STAT3: variants seen among roughly 807,000 people sequenced by gnomAD.
STAT3 encodes the protein signal transducer and activator of transcription 3, also known as DNA-binding protein APRF.
In STAT3, 7 loss-of-function variants were observed where a neutral mutation model predicts 114.3. That is an observed-to-expected ratio of 0.06 (90% CI 0.03 to 0.11). The LOEUF is 0.11. Among genes scored for constraint, STAT3 ranks in the 10% least tolerant of loss-of-function variants. The pLI is 1.00. For missense variants in STAT3, 364 were observed against 960.9 expected, an observed-to-expected ratio of 0.38 and a Z score of 8.21; for synonymous variants, 331 against 354.5, an observed-to-expected ratio of 0.93 and a Z score of 0.74.
chr17:42,316,092 A>C, intron 23 of STAT3: 1 of 1,358,038 alleles, frequency 7.4e-7, no homozygotes. Flanking sequence ...TTAATTCAGG[A>C]GCCCCGAGAC....
At chr17:42,350,871 G>A (rs1310239187) in intron 1 of STAT3, among the ~76,000 whole-genome samples, 4 of 151,874 alleles carry the variant, frequency 2.6e-5, no homozygotes, top group African/African-American at 9.7e-5. Context: ...AGTGGCTCAC[G>A]CCTGTAATCC....
chr17:42,353,473 G>C (rs914252886), intron 1 of STAT3, among the ~76,000 whole-genome samples: 1 of 151,874 alleles, frequency 6.6e-6, no homozygotes, highest in Non-Finnish European at 1.5e-5. Flanking sequence ...TGCTACTCTA[G>C]ACAATGTAGC....
chr17:42,384,136 T>A (rs8066517), intron 1 of STAT3, among the ~76,000 whole-genome samples: 8,346 of 130,652 alleles, frequency 0.064, 372 homozygotes, highest in African/African-American at 0.16. Context: ...TTATTTATTT[T>A]TTTTTTTTTT....
intron 4 of STAT3, among the ~76,000 whole-genome samples, chr17:42,343,264 G>A (rs900939421): frequency 2.6e-5 from 4 of 151,400 alleles, no homozygotes; most frequent in East Asian, 1.9e-4. Context: ...AGGGGGTCAC[G>A]GAGAAAAAGA....
In STAT3 at chr17:42,322,431, G is replaced by C. The variant is rs2144682194; in HGVS notation, c.1952C>G (p.Ala651Gly). Residue 651 changes from alanine to glycine, a missense_variant, in exon 21 of 24, where the codon GCT (alanine) becomes GGT (glycine). By Grantham distance (60) the Ala-to-Gly change is moderately conservative. Transcript: ENST00000264657. ...GATCTTATAGCCCATGATGATTTCA[G>C]CAAATGACATGTTGTTCAGCTGCTG... ...TKQQLNNMSF[A>G]EIIMGYKIMD... 6.2e-7 allele frequency: 1 copy of C among 1,614,212 alleles called. No homozygotes were observed. Among genetic ancestry groups the C allele is most frequent in the Non-Finnish European group, 8.5e-7 (1 of 1,180,038 alleles).
intron 1 of STAT3, among the ~76,000 whole-genome samples, chr17:42,358,932 A>ATTTTTT (rs2083365690): frequency 2.0e-5 from 1 of 50,438 alleles, no homozygotes; most frequent in South Asian, 7.9e-4. Flanking sequence ...GACATTTCTT[A>ATTTTTT]CTTTTTTTTT....
chr17:42,337,572 C>G lies in STAT3; in HGVS notation c.660G>C (p.Glu220Asp), dbSNP rs774652472. ...CCATCGCTGACAAAAGCCCCGCCAG[C>G]TCACTCACGATGCTCTGGTTGGAAA... The part of the protein sequence containing the change: ...LDQMRRSIVS[E>D]LAGLLSAMEY... The change falls in exon 8 of 24, where the codon GAG (glutamate) becomes GAC (aspartate). Residue 220 changes from glutamate to aspartate, a missense_variant. Glu to Asp is a conservative substitution (Grantham distance 45). Coordinates refer to ENST00000264657, the MANE Select transcript of STAT3 (RefSeq NM_139276.3). This position sits in a 1 kb window ranked among gnomAD's most constrained non-coding sequence, Gnocchi z 4.0. 2.5e-6 allele frequency: 4 copies of G among 1,614,096 alleles called. No individual in the cohort carries two copies. Among genetic ancestry groups the G allele is most frequent in the Non-Finnish European group, 2.5e-6 (3 of 1,180,060 alleles).
At chr17:42,365,641 T>A in intron 1 of STAT3, among the ~76,000 whole-genome samples, 1 of 144,704 alleles carries the variant, frequency 6.9e-6, no homozygotes, top group East Asian at 2.0e-4. Context: ...CTGTTAAAGT[T>A]TTTTTTTTTT....
chr17:42,360,605 T>C (rs912016222), intron 1 of STAT3, among the ~76,000 whole-genome samples: 1 of 151,914 alleles, frequency 6.6e-6, no homozygotes, highest in Non-Finnish European at 1.5e-5. Flanking sequence ...GATTGTGTCA[T>C]TGCATTCCAG....
intron 23 of STAT3, 67 bp from the exon 24 acceptor site, chr17:42,315,867 A>G (rs1461564568): frequency 6.2e-7 from 1 of 1,612,474 alleles, no homozygotes; most frequent in Non-Finnish European, 8.5e-7. Flanking sequence ...CCACGCCCCC[A>G]GCCCTTCAGA....
At position 42,315,928 on chromosome 17, in the gene STAT3, C is replaced by G. The variant is rs2081230740; in HGVS notation, c.2258-128G>C. The G allele has an allele frequency of 2.6e-6, 4 of 1,566,256 alleles. No homozygotes were observed. The African/African-American group carries it at 4.1e-5, about 16-fold the overall frequency. Reference sequence around the variant, plus strand: ...ATCCAATCTCCTGCCCCTTAAGGCCCAGGGATGGTCAGAAAAGCCAGATTT... The same window carrying G: ...ATCCAATCTCCTGCCCCTTAAGGCCGAGGGATGGTCAGAAAAGCCAGATTT... On this transcript the variant is annotated intron_variant, in intron 23 of 23. Transcript: ENST00000264657.
In STAT3 at chr17:42,345,091, C is replaced by A. The variant is rs187162668; in HGVS notation, c.372+468G>T. Among the ~76,000 whole-genome samples, 530 of 151,634 alleles carry A rather than the reference C, an allele frequency of 3.5e-3. 6 individuals are homozygous for A. Among genetic ancestry groups the A allele is most frequent in the African/African-American group, 0.012 (496 of 41,374 alleles). On this transcript the variant is annotated intron_variant, in intron 4 of 23. Transcript: ENST00000264657. ...GACCAGCCTGACCAACATGAAGAAA[C>A]CCCGTCTCTACTAAAAATACAAAAT...
At chr17:42,317,320 AACTC>A (rs1347105961) in intron 21 of STAT3, 96 bp from the exon 22 acceptor site, 1 of 1,384,260 alleles carries the variant, frequency 7.2e-7, no homozygotes, top group African/African-American at 1.4e-5. Context: ...ACTGATTTGA[AACTC>A]ACTCATCCTC....
At chr17:42,387,868 G>C (rs777898350) in intron 1 of STAT3, 22 of 167,740 alleles carry the variant, frequency 1.3e-4, no homozygotes, top group Non-Finnish European at 2.3e-4. Context: ...CCGCCGACCG[G>C]GCGGGGAGGA....
chr17:42,346,065 A>G (rs1311116460), intron 3 of STAT3, among the ~76,000 whole-genome samples: 1 of 151,972 alleles, frequency 6.6e-6, no homozygotes, highest in Non-Finnish European at 1.5e-5. Flanking sequence ...TTCTGTAGAG[A>G]TGGTGTCTTG....
intron 4 of STAT3, among the ~76,000 whole-genome samples, chr17:42,343,169 C>CAAA (rs200877459): frequency 1.6e-5 from 1 of 62,760 alleles, no homozygotes; most frequent in African/African-American, 6.0e-5. Context: ...GAGACTGTCT[C>CAAA]AAAAAAAAAA....
At chr17:42,368,579 C>T (rs1905341) in intron 1 of STAT3, among the ~76,000 whole-genome samples, 24,585 of 152,056 alleles carry the variant, frequency 0.16, 2,364 homozygotes, top group East Asian at 0.39. Flanking sequence ...CCTGCCTCAG[C>T]CTCCCTGGTA....
At chr17:42,364,115 C>T (rs922692253) in intron 1 of STAT3, among the ~76,000 whole-genome samples, 2 of 152,122 alleles carry the variant, frequency 1.3e-5, no homozygotes, top group South Asian at 4.1e-4. Context: ...CTTGCACACA[C>T]ACATAACCAC....
At chr17:42,318,517 T>G (rs926490416) in intron 21 of STAT3, among the ~76,000 whole-genome samples, 10 of 152,148 alleles carry the variant, frequency 6.6e-5, no homozygotes, top group African/African-American at 1.9e-4. Context: ...GCTTTGTCAT[T>G]TATAATTCTT....
Sources: gnomAD v4.1 joint callset for allele counts (sites outside exome capture counted in the v4.1 genomes callset) on GRCh38, gnomAD v4.1.1 for gene constraint, Gnocchi (gnomAD v3.1) non-coding constraint, MANE v1.5 for transcripts, NCBI Gene and HGNC (gene_info 2026-07-23, HGNC 2026-07-21) for gene names.